VDR: variants seen among roughly 807,000 people sequenced by gnomAD.
VDR encodes vitamin D3 receptor.
Under a neutral mutation model 39.7 loss-of-function variants are expected in VDR, and 19 were observed. The observed-to-expected ratio is 0.48, with a 90% CI of 0.33 to 0.70. The LOEUF is 0.70. Ranked by LOEUF, VDR falls within the 30% of genes least tolerant of loss-of-function variation. The probability of loss-of-function intolerance (pLI) is 0.02; values close to 1 mark genes in which losing one functional copy is unlikely to be tolerated. For synonymous variants in VDR, 242 were observed against 215.8 expected (o/e 1.12, Z -1.07); for missense variants, 442 against 570.5 (o/e 0.77, Z 2.29).
At chr12:47,856,978 G>A (rs533444885) in intron 6 of VDR, 151 bp downstream of exon 6, 3 of 1,208,830 alleles carry the variant, frequency 2.5e-6, no homozygotes, top group South Asian at 1.4e-5. Context: ...TAACAGAGGG[G>A]CTGTTGTGAA....
intron 3 of VDR, among the ~76,000 whole-genome samples, chr12:47,875,994 T>C (rs1945992924): frequency 6.6e-6 from 1 of 152,108 alleles, no homozygotes; most frequent in Non-Finnish European, 1.5e-5. Context: ...TGGGAACTGT[T>C]TTAAACAGCA....
intron 1 of VDR, among the ~76,000 whole-genome samples, chr12:47,886,932 T>C (rs1233423088): frequency 6.6e-6 from 1 of 152,166 alleles, no homozygotes; most frequent in Non-Finnish European, 1.5e-5. Context: ...TTTGTAGCCA[T>C]GTTAGACAAA....
chr12:47,857,199 G>A lies in VDR; in HGVS notation c.513C>T (p.Asn171=). ...DGGGSHPSRP[N]SRHTPSFSGD... is the part of the protein sequence containing the mutation. ...CAGAGAAGCTGGGAGTGTGTCTGGA[G>A]TTGGGCCTGGAAGGATGGCTCCCTC... Residue 171 remains asparagine (N), a synonymous_variant, in exon 6 of 10, where the codon AAC becomes AAT. Coordinates refer to ENST00000549336, the MANE Select transcript of VDR (RefSeq NM_000376.3). 5.6e-6 allele frequency: 9 copies of A among 1,614,220 alleles called. No homozygotes were observed. The highest frequency in any genetic ancestry group is 4.5e-5 in the East Asian group (2 of 44,880).
chr12:47,896,160 T>A (rs1000249956), intron 1 of VDR, among the ~76,000 whole-genome samples: 3 of 152,198 alleles, frequency 2.0e-5, no homozygotes, highest in African/African-American at 7.2e-5. Flanking sequence ...GAGGAGTCCA[T>A]GAGATAATCA....
intron 2 of VDR, 69 bp downstream of exon 2, chr12:47,882,625 C>T: frequency 1.9e-6 from 1 of 526,220 alleles, no homozygotes; most frequent in Non-Finnish European, 3.4e-6. Context: ...CTTCTTATGC[C>T]CCTCCCCCCC....
intron 7 of VDR, among the ~76,000 whole-genome samples, chr12:47,851,659 T>C (rs1181149165): frequency 1.3e-5 from 2 of 152,230 alleles, no homozygotes; most frequent in South Asian, 2.1e-4. Context: ...CTGGGCCCAG[T>C]TGGAGCCTAG....
chr12:47,870,259 G>A (rs952292834), intron 3 of VDR, among the ~76,000 whole-genome samples: 3 of 152,224 alleles, frequency 2.0e-5, no homozygotes, highest in Non-Finnish European at 1.5e-5. Flanking sequence ...CCCACGAGGA[G>A]TCAGGGCAGC....
chr12:47,870,655 C>T (rs573051384), intron 3 of VDR, among the ~76,000 whole-genome samples: 8 of 152,288 alleles, frequency 5.3e-5, no homozygotes, highest in South Asian at 4.1e-4. Flanking sequence ...GACAGTTGGG[C>T]CTTTCTCCAG....
Position 47,844,663 on chromosome 12 carries a change from C to T in VDR, c.*83G>A. 6.3e-7 allele frequency: 1 copy of T among 1,593,616 alleles called. No homozygotes were observed. On this transcript the variant is annotated 3_prime_UTR_variant, in exon 10 of 10. Transcript: ENST00000549336. Reference sequence around the variant, plus strand: ...TGAACCCCAGACGGGGTGAGGAGGGCTGCTGAGTAGCCGCCAGCCCCGGGC... The same window carrying T: ...TGAACCCCAGACGGGGTGAGGAGGGTTGCTGAGTAGCCGCCAGCCCCGGGC...
At chr12:47,861,043 T>G (rs910018283) in intron 4 of VDR, among the ~76,000 whole-genome samples, 1 of 152,226 alleles carries the variant, frequency 6.6e-6, no homozygotes, top group Non-Finnish European at 1.5e-5. Context: ...CAGAGAGGCT[T>G]TCTACCTTTC....
chr12:47,877,532 T>C (rs977132379), intron 3 of VDR, among the ~76,000 whole-genome samples: 27 of 152,092 alleles, frequency 1.8e-4, no homozygotes, highest in African/African-American at 6.0e-4. Context: ...GGACATCCCA[T>C]AAATTATTGC....
intron 1 of VDR, 27 bp from the exon 2 acceptor site, chr12:47,882,801 A>T (rs191930901): frequency 6.5e-7 from 1 of 1,527,084 alleles, no homozygotes; most frequent in Non-Finnish European, 8.8e-7. Context: ...GAAACCTTTT[A>T]TCTAAGGCGG....
At chr12:47,864,254 A>G (rs566662941) in intron 4 of VDR, among the ~76,000 whole-genome samples, 4 of 152,350 alleles carry the variant, frequency 2.6e-5, no homozygotes, top group African/African-American at 7.2e-5. Context: ...ACTGAATTCA[A>G]TGCCTACTCT....
intron 1 of VDR, among the ~76,000 whole-genome samples, chr12:47,901,943 G>A (rs897052037): frequency 3.9e-5 from 6 of 152,186 alleles, no homozygotes; most frequent in African/African-American, 7.2e-5. Flanking sequence ...GAGCAGTGCC[G>A]CCCCAGGGAA....
chr12:47,844,469 C>A lies in VDR; in HGVS notation c.*277G>T. 1 of 577,470 alleles carries A rather than the reference C, an allele frequency of 1.7e-6. No homozygotes were observed. Among genetic ancestry groups the A allele is most frequent in the Non-Finnish European group, 3.1e-6 (1 of 322,340 alleles). 35.8% of individuals were successfully genotyped at this position (577,470 alleles called of 1,614,324 possible). The stretch of plus-strand genomic sequence containing the variant: ...GGTGGAGGCATCTCTGGGCAAGGCC[C>A]TGCCTCCAGCCTCTGCCCTCTGCCC... On this transcript the variant is annotated 3_prime_UTR_variant, in exon 10 of 10. Transcript: ENST00000549336.
chr12:47,893,163 T>A (rs540161818), intron 1 of VDR, among the ~76,000 whole-genome samples: 2 of 152,350 alleles, frequency 1.3e-5, no homozygotes, highest in South Asian at 2.1e-4. Flanking sequence ...CAGGAATTTT[T>A]AATTATTGCC....
At chr12:47,873,989 G>A (rs2137189921) in intron 3 of VDR, among the ~76,000 whole-genome samples, 1 of 152,312 alleles carries the variant, frequency 6.6e-6, no homozygotes, top group African/African-American at 2.4e-5. Context: ...TGTGTGCTGA[G>A]TGCAAAGTCA....
chr12:47,845,157 G>GC (rs1945255985), intron 9 of VDR, 152 bp from the exon 10 acceptor site: 1 of 1,242,272 alleles, frequency 8.0e-7, no homozygotes, highest in South Asian at 1.3e-5. Flanking sequence ...CCACTGCCTG[G>GC]CCCCAAAGCC....
chr12:47,857,318 G>A, intron 5 of VDR, 69 bp from the exon 6 acceptor site: 1 of 1,612,622 alleles, frequency 6.2e-7, no homozygotes, highest in Non-Finnish European at 8.5e-7. Flanking sequence ...CCTGATCTCT[G>A]ATAGGAATGG....
Sources: allele counts gnomAD v4.1 joint callset (sites outside exome capture counted in the v4.1 genomes callset), GRCh38; gene constraint gnomAD v4.1.1; transcripts MANE v1.5; gene names NCBI Gene and HGNC (gene_info 2026-07-23, HGNC 2026-07-21).